The following ZNF98 variants were observed in gnomAD, a reference collection of about 807,000 sequenced individuals.
The protein encoded by ZNF98 is zinc finger protein 98, also known as zinc finger protein 739.
In ZNF98, 8 loss-of-function variants were observed where a neutral mutation model predicts 12.8. The ratio of observed to expected loss-of-function variants is 0.63; its 90% CI spans 0.37 to 1.13. The LOEUF (loss-of-function observed/expected upper bound fraction) is 1.13, where lower values mean the gene tolerates loss of function less well. Among genes scored for constraint, ZNF98 ranks in the 50% most tolerant of loss-of-function variants. The probability of loss-of-function intolerance (pLI) is 0.01; values close to 1 mark genes in which losing one functional copy is unlikely to be tolerated. For missense variants in ZNF98, 379 were observed against 666.1 expected (o/e 0.57, Z 4.74); for synonymous variants, 112 against 223.5 (o/e 0.50, Z 4.45).
At chr19:22,403,823 T>C (rs187467146) in intron 1 of ZNF98, among the ~76,000 whole-genome samples, 102 of 152,298 alleles carry the variant, frequency 6.7e-4, no homozygotes, top group African/African-American at 2.3e-3. Context: ...ACAGAATAAG[T>C]TGTGTAAATT....
At chr19:22,412,809 T>G (rs1208905484) in intron 1 of ZNF98, among the ~76,000 whole-genome samples, 1 of 152,006 alleles carries the variant, frequency 6.6e-6, no homozygotes, top group Non-Finnish European at 1.5e-5. Context: ...TCCCAGCACT[T>G]TGGGAGGCCG....
intron 1 of ZNF98, among the ~76,000 whole-genome samples, chr19:22,408,144 T>C (rs1433466618): frequency 3.3e-5 from 5 of 152,138 alleles, no homozygotes; most frequent in Admixed American, 3.3e-4. Context: ...GTTCAACATA[T>C]GCAAATCAAT....
chr19:22,406,433 T>TA (rs1336136581), intron 1 of ZNF98, among the ~76,000 whole-genome samples: 1 of 150,278 alleles, frequency 6.7e-6, no homozygotes, highest in African/African-American at 2.5e-5. Flanking sequence ...ACAACAGCAA[T>TA]AAAAAAGTCC....
chr19:22,405,171 A>G (rs1568293777), intron 1 of ZNF98, among the ~76,000 whole-genome samples: 1 of 152,076 alleles, frequency 6.6e-6, no homozygotes, highest in Non-Finnish European at 1.5e-5. Context: ...CATTAGGAAG[A>G]AAAAGCACAT....
At chr19:22,407,020 C>T (rs191604890) in intron 1 of ZNF98, among the ~76,000 whole-genome samples, 241 of 151,926 alleles carry the variant, frequency 1.6e-3, no homozygotes, top group Non-Finnish European at 2.8e-3. Context: ...ATGCAAAAAA[C>T]CTAAGAACCT....
At chr19:22,416,528 C>T (rs1447070835) in intron 1 of ZNF98, among the ~76,000 whole-genome samples, 1 of 151,864 alleles carries the variant, frequency 6.6e-6, no homozygotes, top group Non-Finnish European at 1.5e-5. Context: ...GTAATCCCAG[C>T]ACTTTGGGAG....
At position 22,391,351 on chromosome 19, in the gene ZNF98, A is replaced by G. The variant is rs2145104124; in HGVS notation, c.*165T>C. On this transcript the variant is annotated 3_prime_UTR_variant, in exon 4 of 4. Coordinates refer to ENST00000357774, the MANE Select transcript of ZNF98 (RefSeq NM_001098626.2). ...TTTTTTACTTTCTTTATATTTGTAC[A>G]TTTGTTCTCATCAAGTATAAAGGCT... 2.9e-6 allele frequency: 4 copies of G among 1,369,338 alleles called. No homozygotes were observed. The highest frequency in any genetic ancestry group is 3.1e-5 in the South Asian group (2 of 63,494). The allele number at this position is 1,369,338 out of a possible 1,614,324, so 84.8% of individuals were successfully genotyped here.
At chr19:22,422,020 C>T (rs1371891637) in intron 1 of ZNF98, among the ~76,000 whole-genome samples, 175 bp downstream of exon 1, 1 of 152,146 alleles carries the variant, frequency 6.6e-6, no homozygotes, top group Non-Finnish European at 1.5e-5. Flanking sequence ...GCCTGGCTGT[C>T]AGCGCAGCCG....
At chr19:22,399,624 T>C (rs1969434712) in intron 3 of ZNF98, among the ~76,000 whole-genome samples, 1 of 152,204 alleles carries the variant, frequency 6.6e-6, no homozygotes, top group Non-Finnish European at 1.5e-5. Context: ...TGTCTACTAA[T>C]TATCTAATTC....
chr19:22,412,793 C>T (rs1969593812), intron 1 of ZNF98, among the ~76,000 whole-genome samples: 1 of 152,138 alleles, frequency 6.6e-6, no homozygotes. Context: ...TGGCTCACAC[C>T]TGTAATCCCA....
Position 22,392,468 on chromosome 19 carries a change from T to C in ZNF98, c.767A>G (p.His256Arg), listed in dbSNP as rs892847482. Residue 256 changes from histidine to arginine, a missense_variant, in exon 4 of 4, where the codon CAT (histidine) becomes CGT (arginine). By Grantham distance (29) the His-to-Arg change is conservative. Coordinates refer to ENST00000357774, the MANE Select transcript of ZNF98 (RefSeq NM_001098626.2). ...TTTCTTTCCAGTATGAATTATCTTA[T>C]GTGTAGTAAGGTGTGAGAGCCGGTT... ...AFNRLSHLTT[H>R]KIIHTGKKPY... The C allele has an allele frequency of 5.7e-6, 9 of 1,574,872 alleles. No individual in the cohort carries two copies. In the African/African-American group the frequency reaches 6.8e-5, roughly 12 times the overall value.
intron 1 of ZNF98, among the ~76,000 whole-genome samples, chr19:22,412,349 A>G (rs1156542451): frequency 6.6e-6 from 1 of 152,230 alleles, no homozygotes; most frequent in East Asian, 1.9e-4. Context: ...AATTAAGGCA[A>G]GAACCAAGAA....
chr19:22,401,103 T>TAAAAAAAAA (rs201737545), intron 3 of ZNF98, among the ~76,000 whole-genome samples: 1 of 104,618 alleles, frequency 9.6e-6, no homozygotes. Context: ...GTGGAATAAG[T>TAAAAAAAAA]AAAAAAAAAA....
chr19:22,408,526 T>C (rs1969547163), intron 1 of ZNF98, among the ~76,000 whole-genome samples: 1 of 152,176 alleles, frequency 6.6e-6, no homozygotes, highest in African/African-American at 2.4e-5. Flanking sequence ...GATGACATTA[T>C]TCTATATTTA....
chr19:22,406,773 C>T (rs1027880788), intron 1 of ZNF98, among the ~76,000 whole-genome samples: 2 of 150,960 alleles, frequency 1.3e-5, no homozygotes, highest in Non-Finnish European at 2.9e-5. Context: ...GCTGAGATCG[C>T]GCCACTGCAC....
chr19:22,393,146 A>G (rs1306433765), intron 3 of ZNF98, among the ~76,000 whole-genome samples, 165 bp from the exon 4 acceptor site: 1 of 152,180 alleles, frequency 6.6e-6, no homozygotes, highest in Non-Finnish European at 1.5e-5. Flanking sequence ...AGAACAAATT[A>G]CATTTCTGAA....
intron 3 of ZNF98, among the ~76,000 whole-genome samples, chr19:22,395,178 GAAAAAAAAA>G (rs71180538): frequency 1.0e-5 from 1 of 99,874 alleles, no homozygotes; most frequent in Non-Finnish European, 1.9e-5. Context: ...GTTTCAAAAA[GAAAAAAAAA>G]AAAAAAAAAA....
In ZNF98 at chr19:22,409,052, A is replaced by G. The variant is rs141213850; in HGVS notation, c.31-5540T>C. On this transcript the variant is annotated intron_variant, in intron 1 of 3. Coordinates refer to ENST00000357774, the MANE Select transcript of ZNF98 (RefSeq NM_001098626.2). ...TGACTTCAAGCTATACTACAAGACT[A>G]CAATAACCAAAACAACATGGTACTG... Among the ~76,000 whole-genome samples, 40 of 152,330 alleles carry G rather than the reference A, an allele frequency of 2.6e-4. No homozygotes were observed. The East Asian group carries it at 7.7e-3, about 29-fold the overall frequency.
At chr19:22,421,811 G>A (rs924938522) in intron 1 of ZNF98, among the ~76,000 whole-genome samples, 58 of 152,104 alleles carry the variant, frequency 3.8e-4, no homozygotes, top group Non-Finnish European at 7.1e-4. Flanking sequence ...AGAGGAACTA[G>A]GAACCCCATA....
Sources: gnomAD v4.1 joint callset for allele counts (sites outside exome capture counted in the v4.1 genomes callset) on GRCh38, gnomAD v4.1.1 for gene constraint, MANE v1.5 for transcripts, NCBI Gene and HGNC (gene_info 2026-07-23, HGNC 2026-07-21) for gene names.